CD109: variants seen among roughly 807,000 people sequenced by gnomAD.
CD109 encodes the protein CD109 antigen.
In CD109, 149 loss-of-function variants were observed where a neutral mutation model predicts 165.8. That is an observed-to-expected ratio of 0.90 (90% CI 0.79 to 1.03). The LOEUF (loss-of-function observed/expected upper bound fraction) is 1.03. Among genes scored for constraint, CD109 ranks in the 50% least tolerant of loss-of-function variants. The pLI is 0.00. For synonymous variants in CD109, 585 were observed against 592.1 expected (o/e 0.99, Z 0.18); for missense variants, 1,712 against 1,677.8 (o/e 1.02, Z -0.36).
chr6:73,803,299 TTGG>T lies in CD109; in HGVS notation c.2960_2960+2del. ...GGAATTATGACCCTTCTGGGAGCAC[TTGG>T]TAAGTGTTTTTGCCAACTGAACAAA... On this transcript the variant is annotated splice_donor_variant and coding_sequence_variant, in exon 24 of 33. Transcript: ENST00000287097. LOFTEE classifies it high-confidence loss of function. 6.2e-7 allele frequency: 1 copy of T among 1,610,878 alleles called. No individual in the cohort carries two copies. Among genetic ancestry groups the T allele is most frequent in the Non-Finnish European group, 8.5e-7 (1 of 1,178,732 alleles).
chr6:73,696,019 A>C, upstream of CD109: 2 of 547,938 alleles, frequency 3.7e-6, no homozygotes, highest in Non-Finnish European at 6.5e-6. Context: ...GCGCCATTGT[A>C]ATGGGGATGG....
intron 23 of CD109, among the ~76,000 whole-genome samples, chr6:73,802,981 T>C (rs1215981029): frequency 6.6e-6 from 1 of 152,192 alleles, no homozygotes. Flanking sequence ...ATTATAGGTG[T>C]GAGCCACTGC....
intron 29 of CD109, 50 bp from the exon 30 acceptor site, chr6:73,814,931 G>A (rs1775882522): frequency 5.1e-6 from 7 of 1,379,446 alleles, no homozygotes; most frequent in Non-Finnish European, 5.7e-6. Context: ...AAGGCAAAAT[G>A]ATGGAAATTT....
chr6:73,708,219 A>G (rs572971801), intron 2 of CD109, among the ~76,000 whole-genome samples: 31 of 151,838 alleles, frequency 2.0e-4, no homozygotes, highest in Middle Eastern at 3.4e-3. Flanking sequence ...TCATTGTTCA[A>G]TTCCCACCTA....
chr6:73,691,608 G>A (rs1370006509), upstream of CD109, among the ~76,000 whole-genome samples: 1 of 152,184 alleles, frequency 6.6e-6, no homozygotes, highest in Non-Finnish European at 1.5e-5. Flanking sequence ...GAGGTGGTAA[G>A]ATGGACATGG....
At chr6:73,736,317 A>C in intron 4 of CD109, 66 bp from the exon 5 acceptor site, 1 of 1,568,866 alleles carries the variant, frequency 6.4e-7, no homozygotes, top group East Asian at 2.3e-5. Flanking sequence ...CATTATTCCT[A>C]ACCTGATAGG....
intron 2 of CD109, among the ~76,000 whole-genome samples, chr6:73,704,098 T>A (rs556033909): frequency 1.4e-3 from 208 of 149,332 alleles, no homozygotes; most frequent in African/African-American, 4.8e-3. Context: ...GGCAGGAGAA[T>A]CGCTTGAACC....
chr6:73,704,348 A>C (rs553730058), intron 2 of CD109, among the ~76,000 whole-genome samples: 1 of 152,210 alleles, frequency 6.6e-6, no homozygotes, highest in South Asian at 2.1e-4. Flanking sequence ...GCCTGTGATG[A>C]TTCATGGCGG....
At chr6:73,743,832 A>T (rs140843802) in intron 5 of CD109, among the ~76,000 whole-genome samples, 41 of 152,362 alleles carry the variant, frequency 2.7e-4, no homozygotes, top group African/African-American at 9.6e-4. Context: ...TTTGCTTATA[A>T]GAAGAATGCT....
chr6:73,788,896 A>G (rs1338796282), intron 22 of CD109, among the ~76,000 whole-genome samples: 2 of 152,168 alleles, frequency 1.3e-5, no homozygotes, highest in Admixed American at 6.5e-5. Context: ...TTTTCTAACA[A>G]GCTCCTAGGT....
At chr6:73,779,308 G>A (rs545880322) in intron 15 of CD109, among the ~76,000 whole-genome samples, 2 of 148,806 alleles carry the variant, frequency 1.3e-5, no homozygotes, top group South Asian at 2.1e-4. Context: ...GAGTGCAATA[G>A]CGCGATCTTG....
At chr6:73,715,218 C>T (rs1243541478) in intron 2 of CD109, among the ~76,000 whole-genome samples, 1 of 152,102 alleles carries the variant, frequency 6.6e-6, no homozygotes, top group African/African-American at 2.4e-5. Context: ...TGAGATCGTG[C>T]CACTGCACTC....
the CD109 span, among the ~76,000 whole-genome samples, chr6:73,690,075 CCCTT>C: frequency 1.3e-5 from 2 of 152,000 alleles, no homozygotes; most frequent in African/African-American, 2.4e-5. Context: ...TTTCTAAATT[CCCTT>C]CCTTTTTACT....
chr6:73,717,908 C>T (rs1008975340), intron 2 of CD109, among the ~76,000 whole-genome samples: 12 of 151,982 alleles, frequency 7.9e-5, no homozygotes, highest in East Asian at 5.8e-4. Context: ...CGTGAGCCAC[C>T]GCGCCTGGCT....
rs9447002 is a variant in CD109, at chr6:73,730,302, A to G, written c.277-42A>G. 0.01 allele frequency: 12,531 copies of G among 1,230,980 alleles called. 967 individuals are homozygous for G. The African/African-American group carries it at 0.16, about 16-fold the overall frequency. The allele number at this position is 1,230,980 out of a possible 1,614,324, so 76.3% of individuals were successfully genotyped here. On this transcript the variant is annotated intron_variant, in intron 3 of 32. Transcript: ENST00000287097. ...CTTGCAATTAAAACATTTTTGAGGT[A>G]AAATAATGAGACCTTGATGTGTGAT...
the CD109 span, among the ~76,000 whole-genome samples, chr6:73,688,482 A>G: frequency 7.9e-5 from 12 of 152,222 alleles, no homozygotes; most frequent in African/African-American, 2.6e-4. Context: ...AGACATTTGT[A>G]ATTTCCTAAG....
Position 73,696,241 on chromosome 6 carries a change from C to T in CD109, c.26C>T (p.Ala9Val), listed in dbSNP as rs560433332. 3.9e-6 allele frequency: 6 copies of T among 1,543,330 alleles called. No individual in the cohort carries two copies. The East Asian group carries it at 1.5e-4, about 38-fold the overall frequency. ...ATGCAGGGCCCACCGCTCCTGACCG[C>T]CGCCCACCTCCTCTGCGTGTGCACC... is the stretch of plus-strand genomic sequence containing the variant. MQGPPLLT[A>V]AHLLCVCTAA... Residue 9 changes from alanine to valine, a missense_variant, in exon 1 of 33, where the codon GCC becomes GTC. Physicochemically the swap from Ala to Val is moderately conservative, Grantham distance 64. Transcript: ENST00000287097.
chr6:73,803,088 A>G lies in CD109; in HGVS notation c.2879-132A>G, dbSNP rs973228484. Reference sequence around the variant, plus strand: ...CAGCACTTAAAATAGAAAGTACTCAATATTAGCTCTTGGTTTGATTTCTTC... The same window carrying G: ...CAGCACTTAAAATAGAAAGTACTCAGTATTAGCTCTTGGTTTGATTTCTTC... On this transcript the variant is annotated intron_variant, in intron 23 of 32. Coordinates refer to ENST00000287097, the MANE Select transcript of CD109 (RefSeq NM_133493.5). The G allele has an allele frequency of 1.9e-4, 124 of 645,480 alleles. No individual in the cohort carries two copies. The African/African-American group carries it at 1.9e-3, about 10-fold the overall frequency. 40.0% of individuals were successfully genotyped at this position (645,480 alleles called of 1,614,324 possible).
chr6:73,812,464 T>C (rs1432830617), intron 29 of CD109, among the ~76,000 whole-genome samples, 194 bp downstream of exon 29: 1 of 152,158 alleles, frequency 6.6e-6, no homozygotes, highest in Non-Finnish European at 1.5e-5. Context: ...AGAGCAATTA[T>C]ATAGATTGAT....
Sources: allele counts gnomAD v4.1 joint callset (sites outside exome capture counted in the v4.1 genomes callset), GRCh38; gene constraint gnomAD v4.1.1; transcripts MANE v1.5; gene names NCBI Gene and HGNC (gene_info 2026-07-23, HGNC 2026-07-21).